The following HCAR2 variants were observed in gnomAD, a reference collection of about 807,000 sequenced individuals.
The protein encoded by HCAR2 is hydroxycarboxylic acid receptor 2.
For synonymous variants in HCAR2, 156 were observed against 189.4 expected (o/e 0.82, Z 1.45); for missense variants, 346 against 476.6 (o/e 0.73, Z 2.55).
At position 122,702,101 on chromosome 12, in the gene HCAR2, C is replaced by T. The variant is rs778875637; in HGVS notation, c.*91G>A. The T allele has an allele frequency of 3.8e-6, 6 of 1,586,312 alleles. No individual in the cohort carries two copies. Among genetic ancestry groups the T allele is most frequent in the African/African-American group, 1.4e-5 (1 of 73,388 alleles). On this transcript the variant is annotated 3_prime_UTR_variant, in exon 1 of 1. Transcript: ENST00000328880. ...CTGGAAGTTCCAGGAAACCTTAGGC[C>T]GAGTCCAGTGACATTACTCGATGCA...
In HCAR2 at chr12:122,702,861, A is replaced by G. The variant is rs754954067; in HGVS notation, c.423T>C (p.Asn141=). The G allele has an allele frequency of 6.2e-7, 1 of 1,614,132 alleles. No homozygotes were observed. Among genetic ancestry groups the G allele is most frequent in the South Asian group, 1.1e-5 (1 of 91,076 alleles). Residue 141 remains asparagine, a synonymous_variant, in exon 1 of 1, where the codon AAT becomes AAC. Transcript: ENST00000328880. The stretch of plus-strand genomic sequence containing the variant: ...GGCAAGAGATGATGGCTGCTGTCCG[A>G]TTGGAGATCTTGTTCAGGGCGTGGT... ...HPHHALNKIS[N]RTAAIISCLL...
Position 122,703,341 on chromosome 12 carries a change from G to A in HCAR2, c.-58C>T. ...GCCTAGTGAATGCTCCAGCAAGGAG[G>A]TGTGTGTCTGTGTGGTGAACGTGTG... On this transcript the variant is annotated 5_prime_UTR_variant, in exon 1 of 1. Coordinates refer to ENST00000328880, the MANE Select transcript of HCAR2 (RefSeq NM_177551.4). 1 of 1,583,686 alleles carries A rather than the reference G, an allele frequency of 6.3e-7. No homozygotes were observed. The highest frequency in any genetic ancestry group is 1.7e-5 in the Admixed American group (1 of 58,288).
chr12:122,703,214 C>G lies in HCAR2; in HGVS notation c.70G>C (p.Asp24His), dbSNP rs1357413887. The change falls in exon 1 of 1, where the codon GAC becomes CAC. Residue 24 changes from aspartate to histidine, a missense_variant. Asp to His is a moderately conservative substitution (Grantham distance 81). Transcript: ENST00000328880. ...DKKNCCVFRD[D>H]FIVKVLPPVL... ...GGCGGCAACACCTTGACAATGAAGT[C>G]ATCTCGGAACACACAGCAGTTCTTC... 2.5e-6 allele frequency: 4 copies of G among 1,614,116 alleles called. No homozygotes were observed. The highest frequency in any genetic ancestry group is 2.2e-5 in the East Asian group (1 of 44,886).
chr12:122,702,219 G>C lies in HCAR2; in HGVS notation c.1065C>G (p.Pro355=). 1.2e-6 allele frequency: 2 copies of C among 1,614,200 alleles called. No homozygotes were observed. The highest frequency in any genetic ancestry group is 1.7e-6 in the Non-Finnish European group (2 of 1,180,040). Residue 355 remains proline, a synonymous_variant, in exon 1 of 1, where the codon CCC becomes CCG. Coordinates refer to ENST00000328880, the MANE Select transcript of HCAR2 (RefSeq NM_177551.4). The part of the protein sequence containing the change: ...LMANSGEPWS[P]SYLGPTSP The stretch of plus-strand genomic sequence containing the variant: ...AAGGAGAGGTTGGGCCCAGATAAGA[G>C]GGGCTCCATGGCTCACCGGAGTTGG...
Position 122,702,038 on chromosome 12 carries a change from T to G in HCAR2, c.*154A>C. The G allele has an allele frequency of 8.5e-6, 11 of 1,294,202 alleles. No homozygotes were observed. Among genetic ancestry groups the G allele is most frequent in the East Asian group, 2.5e-5 (1 of 40,458 alleles). The allele number at this position is 1,294,202 out of a possible 1,614,324, so 80.2% of individuals were successfully genotyped here. ...TCACACCTTGCAACCAGTCTCCCAC[T>G]CATCTGCCACCGTTTCCCTAAATCG... On this transcript the variant is annotated 3_prime_UTR_variant, in exon 1 of 1. Coordinates refer to ENST00000328880, the MANE Select transcript of HCAR2 (RefSeq NM_177551.4).
chr12:122,703,330 C>T lies in HCAR2; in HGVS notation c.-47G>A, dbSNP rs752067586. On this transcript the variant is annotated 5_prime_UTR_variant, in exon 1 of 1. Coordinates refer to ENST00000328880, the MANE Select transcript of HCAR2 (RefSeq NM_177551.4). ...TGGAGCGCCTCGCCTAGTGAATGCT[C>T]CAGCAAGGAGGTGTGTGTCTGTGTG... 5.6e-6 allele frequency: 9 copies of T among 1,598,260 alleles called. No homozygotes were observed. The highest frequency in any genetic ancestry group is 1.7e-5 in the Admixed American group (1 of 59,288).
Position 122,702,868 on chromosome 12 carries a change from A to T in HCAR2, c.416T>A (p.Ile139Asn). Residue 139 changes from isoleucine to asparagine, a missense_variant, in exon 1 of 1, where the codon ATC becomes AAC. Coordinates refer to ENST00000328880, the MANE Select transcript of HCAR2 (RefSeq NM_177551.4). The part of the protein sequence containing the change: ...VVHPHHALNK[I>N]SNRTAAIISC... ...GATGATGGCTGCTGTCCGATTGGAG[A>T]TCTTGTTCAGGGCGTGGTGGGGATG... The T allele has an allele frequency of 6.2e-7, 1 of 1,614,004 alleles. No individual in the cohort carries two copies. Among genetic ancestry groups the T allele is most frequent in the Non-Finnish European group, 8.5e-7 (1 of 1,179,994 alleles).
In HCAR2 at chr12:122,702,202, G is replaced by T. The variant is rs202231409; in HGVS notation, c.1082C>A (p.Thr361Asn). Residue 361 changes from threonine to asparagine, a missense_variant, in exon 1 of 1, where the codon ACC becomes AAC. By Grantham distance (65) the Thr-to-Asn change is moderately conservative. Transcript: ENST00000328880. ...TCTTGGCATGGTTATTTAAGGAGAG[G>T]TTGGGCCCAGATAAGAGGGGCTCCA... is the stretch of plus-strand genomic sequence containing the variant. Reference protein sequence around the residue: ...EPWSPSYLGPTSP With the variant: ...EPWSPSYLGPNSP The T allele has an allele frequency of 6.2e-7, 1 of 1,614,070 alleles. No individual in the cohort carries two copies. The highest frequency in any genetic ancestry group is 2.2e-5 in the East Asian group (1 of 44,876).
At position 122,702,992 on chromosome 12, in the gene HCAR2, T is replaced by C. The variant is rs1364007492; in HGVS notation, c.292A>G (p.Ile98Val). ...ATGAAGAGCATCAGCCGGCAAGGGA[T>C]GTCCCCAAACTTCCAGTCCCAACGC... ...VRRWDWKFGD[I>V]PCRLMLFMLA... is the part of the protein sequence containing the mutation. Residue 98 changes from isoleucine to valine, a missense_variant, in exon 1 of 1, where the codon ATC (isoleucine) becomes GTC (valine). Physicochemically the swap from Ile to Val is conservative, Grantham distance 29. Transcript: ENST00000328880. 1.2e-6 allele frequency: 2 copies of C among 1,613,838 alleles called. No homozygotes were observed. The highest frequency in any genetic ancestry group is 1.3e-5 in the African/African-American group (1 of 74,850).
In HCAR2 at chr12:122,702,120, C is replaced by G; in HGVS notation, c.*72G>C. On this transcript the variant is annotated 3_prime_UTR_variant, in exon 1 of 1. Transcript: ENST00000328880. ...TTAGGCCGAGTCCAGTGACATTACT[C>G]GATGCAACAGCCCAACTGTTTCTCC... 1 of 1,606,172 alleles carries G rather than the reference C, an allele frequency of 6.2e-7. No individual in the cohort carries two copies. The highest frequency in any genetic ancestry group is 1.1e-5 in the South Asian group (1 of 90,186).
Position 122,702,716 on chromosome 12 carries a change from C to G in HCAR2, c.568G>C (p.Glu190Gln), listed in dbSNP as rs200721962. 5.0e-6 allele frequency: 8 copies of G among 1,614,176 alleles called. No homozygotes were observed. Among genetic ancestry groups the G allele is most frequent in the Non-Finnish European group, 6.8e-6 (8 of 1,180,026 alleles). Residue 190 changes from glutamate to glutamine, a missense_variant, in exon 1 of 1, where the codon GAA becomes CAA. By Grantham distance (29) the Glu-to-Gln change is conservative. Coordinates refer to ENST00000328880, the MANE Select transcript of HCAR2 (RefSeq NM_177551.4). ...AAGAACTCCAGGAGGAACATGGCTTCGTGCCACTGGAAGGTATGGCAGATG... is the reference window on the plus strand; with the variant it reads ...AAGAACTCCAGGAGGAACATGGCTTGGTGCCACTGGAAGGTATGGCAGATG... ...FSICHTFQWHEAMFLLEFFLP... is the reference protein window; with the variant it reads ...FSICHTFQWHQAMFLLEFFLP...
In HCAR2 at chr12:122,702,764, C is replaced by T. The variant is rs1455477322; in HGVS notation, c.520G>A (p.Ala174Thr). 2.5e-6 allele frequency: 4 copies of T among 1,614,184 alleles called. No homozygotes were observed. Among genetic ancestry groups the T allele is most frequent in the Non-Finnish European group, 3.4e-6 (4 of 1,180,048 alleles). Residue 174 changes from alanine (A) to threonine (T), a missense_variant, in exon 1 of 1, where the codon GCA becomes ACA. Physicochemically the swap from Ala to Thr is moderately conservative, Grantham distance 58. Transcript: ENST00000328880. ...ATGCTGAAGCTGCTGCACAAATTTG[C>T]ACCGCCATTCTGGATCGGCATCTTC... The part of the protein sequence containing the change: ...KKKMPIQNGG[A>T]NLCSSFSICH...
At position 122,701,532 on chromosome 12, in the gene HCAR2, G is replaced by A. The variant is rs1297307811; in HGVS notation, c.*660C>T. 2 of 153,320 alleles carry A rather than the reference G, an allele frequency of 1.3e-5. No homozygotes were observed. Among genetic ancestry groups the A allele is most frequent in the African/African-American group, 4.8e-5 (2 of 41,458 alleles). 9.5% of individuals were successfully genotyped at this position (153,320 alleles called of 1,614,324 possible). On this transcript the variant is annotated 3_prime_UTR_variant, in exon 1 of 1. Transcript: ENST00000328880. ...TTGCATTAGTCGCTGGTTGAAAGCA[G>A]CAATGCCATTTCCTTTCCCATAATA...
Position 122,702,987 on chromosome 12 carries a change from A to C in HCAR2, c.297T>G (p.Pro99=), listed in dbSNP as rs1270230531. The change falls in exon 1 of 1, where the codon CCT becomes CCG. Residue 99 remains proline (P), a synonymous_variant. Coordinates refer to ENST00000328880, the MANE Select transcript of HCAR2 (RefSeq NM_177551.4). ...CCAACATGAAGAGCATCAGCCGGCA[A>C]GGGATGTCCCCAAACTTCCAGTCCC... The part of the protein sequence containing the change: ...RRWDWKFGDI[P]CRLMLFMLAM... 5 of 1,613,978 alleles carry C rather than the reference A, an allele frequency of 3.1e-6. No homozygotes were observed. In the East Asian group the frequency reaches 1.1e-4, roughly 36 times the overall value.
rs1877144841 is a variant in HCAR2 at position 122,703,352 on chromosome 12, T to C, written c.-69A>G. On this transcript the variant is annotated 5_prime_UTR_variant, in exon 1 of 1. Transcript: ENST00000328880. ...GCTCCAGCAAGGAGGTGTGTGTCTG[T>C]GTGGTGAACGTGTGGTTCCACGCCT... 1 of 1,571,496 alleles carries C rather than the reference T, an allele frequency of 6.4e-7. No individual in the cohort carries two copies. The highest frequency in any genetic ancestry group is 1.4e-5 in the African/African-American group (1 of 73,326).
Position 122,702,543 on chromosome 12 carries a change from G to T in HCAR2, c.741C>A (p.Ser247Arg), listed in dbSNP as rs201091527. The change falls in exon 1 of 1, where the codon AGC becomes AGA. Residue 247 changes from serine to arginine, a missense_variant. Ser to Arg is a moderately radical substitution (Grantham distance 110). Coordinates refer to ENST00000328880, the MANE Select transcript of HCAR2 (RefSeq NM_177551.4). ...AIVFVICFLP[S>R]VVVRIRIFWL... Reference sequence around the variant, plus strand: ...AGAAGATGCGGATCCGCACAACCACGCTGGGAAGGAAGCAGATGACAAAGA... The same window carrying T: ...AGAAGATGCGGATCCGCACAACCACTCTGGGAAGGAAGCAGATGACAAAGA... The T allele has an allele frequency of 1.0e-4, 163 of 1,614,066 alleles. No homozygotes were observed. The highest frequency in any genetic ancestry group is 1.3e-4 in the Non-Finnish European group (156 of 1,180,036).
Position 122,703,049 on chromosome 12 carries a change from A to C in HCAR2, c.235T>G (p.Cys79Gly), listed in dbSNP as rs141964528. Reference protein sequence around the residue: ...LAVADFLLIICLPFLMDNYVR... With the variant: ...LAVADFLLIIGLPFLMDNYVR... ...TAGTTGTCCATCAGGAAGGGCAGGC[A>C]GATGATCAGTAGAAAGTCAGCCACT... Residue 79 changes from cysteine (C) to glycine (G), a missense_variant, in exon 1 of 1, where the codon TGC becomes GGC. Coordinates refer to ENST00000328880, the MANE Select transcript of HCAR2 (RefSeq NM_177551.4). 13 of 1,614,098 alleles carry C rather than the reference A, an allele frequency of 8.1e-6. No individual in the cohort carries two copies. In the African/African-American group the frequency reaches 1.3e-4, roughly 17 times the overall value.
In HCAR2 at chr12:122,703,096, C is replaced by A. The variant is rs201770856; in HGVS notation, c.188G>T (p.Arg63Leu). 123 of 1,614,110 alleles carry A rather than the reference C, an allele frequency of 7.6e-5. No homozygotes were observed. Among genetic ancestry groups the A allele is most frequent in the Non-Finnish European group, 1.0e-4 (118 of 1,180,020 alleles). Reference sequence around the variant, plus strand: ...CACTGCCAGGTTGAACAGGAAAATCCGGCTGGATTTCCAGGACTTGAGGTG... The same window carrying A: ...CACTGCCAGGTTGAACAGGAAAATCAGGCTGGATTTCCAGGACTTGAGGTG... ...CFHLKSWKSS[R>L]IFLFNLAVAD... The change falls in exon 1 of 1, where the codon CGG becomes CTG. Residue 63 changes from arginine to leucine, a missense_variant. Physicochemically the swap from Arg to Leu is moderately radical, Grantham distance 102. Transcript: ENST00000328880.
chr12:122,703,156 A>G lies in HCAR2; in HGVS notation c.128T>C (p.Leu43Pro). ...VLGLEFIFGL[L>P]GNGLALWIFC... The stretch of plus-strand genomic sequence containing the variant: ...AATCCACAGGGCAAGGCCATTGCCC[A>G]GAAGCCCGAAGATAAACTCCAGCCC... The change falls in exon 1 of 1, where the codon CTG (leucine) becomes CCG (proline). Residue 43 changes from leucine to proline, a missense_variant. Coordinates refer to ENST00000328880, the MANE Select transcript of HCAR2 (RefSeq NM_177551.4). 1 of 1,614,224 alleles carries G rather than the reference A, an allele frequency of 6.2e-7. No homozygotes were observed.
Sources: allele counts gnomAD v4.1 joint callset, GRCh38; gene constraint gnomAD v4.1.1; transcripts MANE v1.5; gene names NCBI Gene and HGNC (gene_info 2026-07-23, HGNC 2026-07-21).